The following FARP2 variants were observed in gnomAD, a reference collection of about 807,000 sequenced individuals.
The protein encoded by FARP2 is FERM, ARHGEF and pleckstrin domain-containing protein 2.
FARP2 carries 111 observed loss-of-function variants against 130.5 expected under a neutral mutation model. That is an observed-to-expected ratio of 0.85 (90% CI 0.73 to 1.00). The LOEUF (loss-of-function observed/expected upper bound fraction) is 1.00, where lower values mean the gene tolerates loss of function less well. Ranked by LOEUF, FARP2 falls within the 50% of genes least tolerant of loss-of-function variation. The pLI is 0.00. For synonymous variants in FARP2, 504 were observed against 516.9 expected (o/e 0.98, Z 0.34); for missense variants, 1,385 against 1,346.3 (o/e 1.03, Z -0.45).
At chr2:241,404,108 C>G (rs548194825) in intron 3 of FARP2, among the ~76,000 whole-genome samples, 176 bp downstream of exon 3, 1 of 152,296 alleles carries the variant, frequency 6.6e-6, no homozygotes, top group African/African-American at 2.4e-5. Flanking sequence ...CACACTCTCC[C>G]TAAATGTGTT....
chr2:241,402,873 TATA>T (rs1559735118), intron 2 of FARP2, among the ~76,000 whole-genome samples: 10 of 14,662 alleles, frequency 6.8e-4, no homozygotes, highest in East Asian at 1.3e-3. Flanking sequence ...TATATATATA[TATA>T]TATATTTTTT....
At chr2:241,385,147 T>C (rs576032722) in intron 2 of FARP2, among the ~76,000 whole-genome samples, 2 of 152,300 alleles carry the variant, frequency 1.3e-5, no homozygotes, top group Non-Finnish European at 2.9e-5. Context: ...CAAATTTTAC[T>C]TATTTAGAGG....
intron 11 of FARP2, among the ~76,000 whole-genome samples, chr2:241,435,656 C>T (rs528173667): frequency 1.2e-4 from 18 of 151,298 alleles, no homozygotes; most frequent in East Asian, 2.0e-4. Context: ...GGACTGCAGG[C>T]GCCTGCCACC....
At chr2:241,433,656 C>G (rs1405451147) in intron 9 of FARP2, among the ~76,000 whole-genome samples, 1 of 152,166 alleles carries the variant, frequency 6.6e-6, no homozygotes, top group African/African-American at 2.4e-5. Flanking sequence ...GCTAGTTCTA[C>G]TATGAATATA....
intron 1 of FARP2, among the ~76,000 whole-genome samples, chr2:241,358,531 C>T (rs2150272967): frequency 6.6e-6 from 1 of 152,336 alleles, no homozygotes; most frequent in East Asian, 1.9e-4. Context: ...ATCAATACCT[C>T]TTCTATATTC....
At chr2:241,380,163 A>G (rs1000060315) in intron 2 of FARP2, among the ~76,000 whole-genome samples, 1 of 152,220 alleles carries the variant, frequency 6.6e-6, no homozygotes, top group African/African-American at 2.4e-5. Context: ...AGACGCCATG[A>G]CAGTGGTTGT....
chr2:241,400,504 A>G (rs548320985), intron 2 of FARP2, among the ~76,000 whole-genome samples: 1 of 152,336 alleles, frequency 6.6e-6, no homozygotes, highest in Non-Finnish European at 1.5e-5. Flanking sequence ...GTCGAGTACC[A>G]ACTGGTGTGT....
chr2:241,494,048 AG>A lies in FARP2; in HGVS notation c.3091del (p.Ala1031ProfsTer74), dbSNP rs747234451. 1.4e-6 allele frequency: 2 copies of A among 1,421,084 alleles called. No individual in the cohort carries two copies. Among genetic ancestry groups the A allele is most frequent in the Non-Finnish European group, 1.8e-6 (2 of 1,086,914 alleles). 88.0% of individuals were successfully genotyped at this position (1,421,084 alleles called of 1,614,324 possible). A position where few individuals can be genotyped will look rare whatever the true frequency, so the allele number is the denominator to read the frequency against. On this transcript the variant is annotated frameshift_variant, in exon 27 of 27. Coordinates refer to ENST00000264042, the MANE Select transcript of FARP2 (RefSeq NM_014808.4). LOFTEE classifies it low-confidence loss of function (END_TRUNC). The surrounding 1 kb of genome is among the most constrained non-coding windows in gnomAD (Gnocchi z 4.9). ...CCAGGGGGCCAGCAGCTCAGCCGGGAGGGCCCCAAGCATCGTGCAGGATGGC... is the reference window on the plus strand; with the variant it reads ...CCAGGGGGCCAGCAGCTCAGCCGGGAGGCCCCAAGCATCGTGCAGGATGGC... Reference protein sequence around the residue: ...VIQGASSSAGRAPSIVQDGPQ... With the variant: ...VIQGASSSAGXAPSIVQDGPQ...
intron 2 of FARP2, among the ~76,000 whole-genome samples, chr2:241,394,715 T>G (rs2061988920): frequency 6.6e-6 from 1 of 152,206 alleles, no homozygotes; most frequent in Admixed American, 6.5e-5. Context: ...AATATTTTGA[T>G]TTTTAAAATA....
At chr2:241,492,772 T>TAAGTA in intron 24 of FARP2, 157 bp from the exon 25 acceptor site, 2 of 579,310 alleles carry the variant, frequency 3.5e-6, no homozygotes, top group Non-Finnish European at 6.2e-6. Context: ...CTGTTGGACT[T>TAAGTA]AAGTACTGAT....
intron 2 of FARP2, among the ~76,000 whole-genome samples, chr2:241,397,831 C>CTTTTTTTTT: frequency 8.2e-6 from 1 of 122,650 alleles, no homozygotes; most frequent in Non-Finnish European, 1.7e-5. Flanking sequence ...ACCTTTTTTC[C>CTTTTTTTTT]TTTTTTTTTT....
chr2:241,483,656 G>T, intron 20 of FARP2, 123 bp downstream of exon 20: 1 of 1,252,344 alleles, frequency 8.0e-7, no homozygotes, highest in Non-Finnish European at 1.1e-6. Context: ...TGGAGGCTTT[G>T]GTCCAGGTGG....
rs536693834 is a variant in FARP2 at position 241,373,003 on chromosome 2, C to T, written c.-24-81C>T. On this transcript the variant is annotated intron_variant, in intron 1 of 26. Coordinates refer to ENST00000264042, the MANE Select transcript of FARP2 (RefSeq NM_014808.4). ...ATAGTACAGAGGATTCCCGTGTCTC[C>T]GATAATTTGTCTTTTACCTTGTTTT... 34 of 688,098 alleles carry T rather than the reference C, an allele frequency of 4.9e-5. No homozygotes were observed. The South Asian group carries it at 8.2e-4, about 17-fold the overall frequency. The allele number at this position is 688,098 out of a possible 1,614,324, so 42.6% of individuals were successfully genotyped here.
intron 4 of FARP2, 113 bp downstream of exon 4, chr2:241,404,954 AG>A: frequency 1.3e-6 from 1 of 744,244 alleles, no homozygotes. Context: ...GTTAGCAAGA[AG>A]TAATCACCAA....
rs1157189718 is a variant in FARP2, at chr2:241,459,047, C to T, written c.1587+2125C>T. Among the ~76,000 whole-genome samples, 3 of 152,238 alleles carry T rather than the reference C, an allele frequency of 2.0e-5. No individual in the cohort carries two copies. Among genetic ancestry groups the T allele is most frequent in the African/African-American group, 7.2e-5 (3 of 41,466 alleles). On this transcript the variant is annotated intron_variant, in intron 14 of 26. Coordinates refer to ENST00000264042, the MANE Select transcript of FARP2 (RefSeq NM_014808.4). The surrounding 1 kb of genome is among the most constrained non-coding windows in gnomAD (Gnocchi z 5.3). ...TGTCTCCTGTTGCCTCTCCTCAACA[C>T]CTGGGCTCTGGAGGGAGGGCTCTGG...
intron 8 of FARP2, among the ~76,000 whole-genome samples, chr2:241,430,266 G>A (rs2063058130): frequency 6.6e-6 from 1 of 152,132 alleles, no homozygotes; most frequent in African/African-American, 2.4e-5. Flanking sequence ...CTTTCTTACA[G>A]AATAAGACAT....
rs200562375 is a variant in FARP2, at chr2:241,462,478, C to T, written c.1588-45C>T. Reference sequence around the variant, plus strand: ...TCAGGCTCCCTGAGCGTGGGAGGGTCCCATGTCCCAGGGACGCACACTTAC... The same window carrying T: ...TCAGGCTCCCTGAGCGTGGGAGGGTTCCATGTCCCAGGGACGCACACTTAC... On this transcript the variant is annotated intron_variant, in intron 14 of 26. Coordinates refer to ENST00000264042, the MANE Select transcript of FARP2 (RefSeq NM_014808.4). 7.9e-6 allele frequency: 11 copies of T among 1,398,048 alleles called. No individual in the cohort carries two copies. The East Asian group carries it at 2.5e-4, about 32-fold the overall frequency. 86.6% of individuals were successfully genotyped at this position (1,398,048 alleles called of 1,614,324 possible).
intron 8 of FARP2, among the ~76,000 whole-genome samples, chr2:241,426,723 A>G (rs2062948434): frequency 3.3e-5 from 5 of 152,098 alleles, no homozygotes; most frequent in Non-Finnish European, 4.4e-5. Context: ...TATGCCCTGG[A>G]TTATTGGATG....
At chr2:241,472,965 AAGGG>A (rs1274588100) in intron 18 of FARP2, among the ~76,000 whole-genome samples, 14 of 146,400 alleles carry the variant, frequency 9.6e-5, no homozygotes, top group Non-Finnish European at 1.7e-4. Context: ...CCCTGTTCTG[AAGGG>A]ATCCTTTTCT....
Sources: allele counts gnomAD v4.1 joint callset (sites outside exome capture counted in the v4.1 genomes callset), GRCh38; gene constraint gnomAD v4.1.1; non-coding constraint Gnocchi (gnomAD v3.1); transcripts MANE v1.5; gene names NCBI Gene and HGNC (gene_info 2026-07-23, HGNC 2026-07-21).